Variants in TMEM132D observed in about 807,000 individuals in gnomAD.
The protein encoded by TMEM132D is mature OL transmembrane protein.
A neutral mutation model predicts 62.3 loss-of-function variants in TMEM132D; 21 were observed. That is an observed-to-expected ratio of 0.34 (90% CI 0.24 to 0.49). TMEM132D has a LOEUF of 0.49. Ranked by LOEUF, TMEM132D falls within the 20% of genes least tolerant of loss-of-function variation. TMEM132D has a pLI of 0.99. For synonymous variants in TMEM132D, 621 were observed against 575.6 expected (o/e 1.08, Z -1.13); for missense variants, 1,346 against 1,402.8 (o/e 0.96, Z 0.65).
chr12:129,886,365 A>T (rs1401175475), intron 1 of TMEM132D, among the ~76,000 whole-genome samples: 1 of 152,158 alleles, frequency 6.6e-6, no homozygotes, highest in Admixed American at 6.5e-5. Flanking sequence ...ACTGTGTGTG[A>T]GAGAGAGAAG....
intron 4 of TMEM132D, among the ~76,000 whole-genome samples, chr12:129,268,235 G>A (rs1049504780): frequency 2.0e-5 from 3 of 152,166 alleles, no homozygotes; most frequent in African/African-American, 7.2e-5. Flanking sequence ...ACCACCATCA[G>A]AGTGAACAGG....
intron 5 of TMEM132D, among the ~76,000 whole-genome samples, chr12:129,125,642 C>T (rs1255691140): frequency 6.6e-6 from 1 of 151,518 alleles, no homozygotes; most frequent in Non-Finnish European, 1.5e-5. Context: ...TGTGTACAAA[C>T]ATGTTTGGTC....
intron 3 of TMEM132D, among the ~76,000 whole-genome samples, chr12:129,423,691 A>T (rs1872395256): frequency 6.6e-6 from 1 of 152,176 alleles, no homozygotes; most frequent in Non-Finnish European, 1.5e-5. Flanking sequence ...TAGTATGCTA[A>T]TACGGACAGA....
intron 5 of TMEM132D, among the ~76,000 whole-genome samples, chr12:129,174,184 T>G (rs1389640740): frequency 6.6e-6 from 1 of 152,148 alleles, no homozygotes; most frequent in African/African-American, 2.4e-5. Context: ...TGTGCCATGG[T>G]GGTCTGCTGC....
chr12:129,286,125 C>A (rs2135614856), intron 4 of TMEM132D, among the ~76,000 whole-genome samples: 1 of 152,244 alleles, frequency 6.6e-6, no homozygotes, highest in Admixed American at 6.5e-5. Context: ...GTTTTAGGTT[C>A]ATTAGGAAGG....
chr12:129,207,833 T>C lies in TMEM132D; in HGVS notation c.1443+1687A>G, dbSNP rs943744964. On this transcript the variant is annotated intron_variant, in intron 5 of 8. Coordinates refer to ENST00000422113, the MANE Select transcript of TMEM132D (RefSeq NM_133448.3). Reference sequence around the variant, plus strand: ...GGGTCCACGTGGCCATTTAATACATTCATAAAATTTGTGGAGATCAAATCA... The same window carrying C: ...GGGTCCACGTGGCCATTTAATACATCCATAAAATTTGTGGAGATCAAATCA... Among the ~76,000 whole-genome samples the C allele has an allele frequency of 5.3e-5, 8 of 152,190 alleles. No homozygotes were observed. The East Asian group carries it at 5.8e-4, about 11-fold the overall frequency.
intron 1 of TMEM132D, among the ~76,000 whole-genome samples, chr12:129,718,632 GATTT>G (rs1479084962): frequency 6.6e-6 from 1 of 152,134 alleles, no homozygotes; most frequent in African/African-American, 2.4e-5. Flanking sequence ...CAGACACTTT[GATTT>G]ATTATGTTAT....
At chr12:129,160,666 A>C (rs1373953712) in intron 5 of TMEM132D, among the ~76,000 whole-genome samples, 1 of 152,212 alleles carries the variant, frequency 6.6e-6, no homozygotes, top group Non-Finnish European at 1.5e-5. Flanking sequence ...CTCATGTTTA[A>C]GTTTTCTGAC....
At chr12:129,583,573 G>A (rs769524632) in intron 2 of TMEM132D, among the ~76,000 whole-genome samples, 3 of 152,118 alleles carry the variant, frequency 2.0e-5, no homozygotes, top group Admixed American at 6.6e-5. Context: ...GCGGGTGAGA[G>A]GTAAACACAC....
intron 4 of TMEM132D, among the ~76,000 whole-genome samples, chr12:129,278,753 T>C (rs1881064050): frequency 6.6e-6 from 1 of 152,162 alleles, no homozygotes; most frequent in Admixed American, 6.5e-5. Flanking sequence ...GGTCCCAAAC[T>C]GTCCAGAGAA....
chr12:129,410,265 G>A (rs1871926044), intron 3 of TMEM132D, among the ~76,000 whole-genome samples: 1 of 152,228 alleles, frequency 6.6e-6, no homozygotes, highest in African/African-American at 2.4e-5. Context: ...GAGTTTACCG[G>A]CATGCAACAT....
intron 5 of TMEM132D, among the ~76,000 whole-genome samples, chr12:129,104,466 CA>C (rs1307151298): frequency 6.6e-6 from 1 of 152,222 alleles, no homozygotes; most frequent in East Asian, 1.9e-4. Context: ...CTTTACCATT[CA>C]GGACATAGGC....
At chr12:129,287,738 G>GT (rs958117778) in intron 4 of TMEM132D, among the ~76,000 whole-genome samples, 2 of 66,812 alleles carry the variant, frequency 3.0e-5, no homozygotes, top group Non-Finnish European at 4.3e-5. Flanking sequence ...TGGTATTCAT[G>GT]TTAAAAAAGG....
intron 3 of TMEM132D, chr12:129,521,430 C>T (rs991836238): frequency 6.6e-6 from 1 of 152,090 alleles, no homozygotes; most frequent in Non-Finnish European, 1.5e-5. Flanking sequence ...TACTGCTGAT[C>T]ACAGAGCTTT....
At chr12:129,378,339 C>T (rs1870843273) in intron 3 of TMEM132D, among the ~76,000 whole-genome samples, 1 of 152,212 alleles carries the variant, frequency 6.6e-6, no homozygotes, top group Non-Finnish European at 1.5e-5. Context: ...CAAAGCAACA[C>T]TACTTTCAGC....
At chr12:129,523,073 G>A (rs912128456) in intron 3 of TMEM132D, among the ~76,000 whole-genome samples, 3 of 151,688 alleles carry the variant, frequency 2.0e-5, no homozygotes, top group Non-Finnish European at 4.4e-5. Context: ...GCTCAGAGAG[G>A]ACACTAAGGG....
At chr12:129,513,813 T>TTTA (rs1232606695) in intron 3 of TMEM132D, among the ~76,000 whole-genome samples, 2 of 112,972 alleles carry the variant, frequency 1.8e-5, no homozygotes, top group African/African-American at 7.3e-5. Flanking sequence ...TTTTTATTTA[T>TTTA]TTATTTATTT....
intron 1 of TMEM132D, among the ~76,000 whole-genome samples, chr12:129,704,413 G>C (rs1210168372): frequency 6.6e-6 from 1 of 152,230 alleles, no homozygotes; most frequent in Non-Finnish European, 1.5e-5. Context: ...AGAGACCCAA[G>C]CATAGGGGGC....
chr12:129,751,760 C>A (rs1210786879), intron 1 of TMEM132D, among the ~76,000 whole-genome samples: 1 of 152,198 alleles, frequency 6.6e-6, no homozygotes, highest in Non-Finnish European at 1.5e-5. Context: ...CTAGGATTTG[C>A]AACTTCGCTA....
Sources: allele counts gnomAD v4.1 joint callset (sites outside exome capture counted in the v4.1 genomes callset), GRCh38; gene constraint gnomAD v4.1.1; transcripts MANE v1.5; gene names NCBI Gene and HGNC (gene_info 2026-07-23, HGNC 2026-07-21).